ELF1: variants seen among roughly 807,000 people sequenced by gnomAD.
ELF1 encodes E74 like ETS transcription factor 1, also known as ETS-related transcription factor Elf-1.
ELF1 carries 24 observed loss-of-function variants against 59.9 expected under a neutral mutation model. The observed-to-expected ratio is 0.40, with a 90% confidence interval of 0.29 to 0.56. The LOEUF is 0.56. Among genes scored for constraint, ELF1 ranks in the 20% least tolerant of loss-of-function variants. The pLI, the probability that ELF1 is intolerant of heterozygous loss-of-function variation, is 0.44. For missense variants in ELF1, 627 were observed against 742.2 expected, an observed-to-expected ratio of 0.84 and a Z score of 1.80; for synonymous variants, 248 against 266.2, an observed-to-expected ratio of 0.93 and a Z score of 0.67.
At chr13:40,998,668 T>G in intron 1 of ELF1, among the ~76,000 whole-genome samples, 1 of 152,226 alleles carries the variant, frequency 6.6e-6, no homozygotes. Flanking sequence ...ACAGAACAAT[T>G]AAAGATTTAG....
At chr13:41,057,468 C>T (rs1877331578) in intron 1 of ELF1, among the ~76,000 whole-genome samples, 1 of 151,910 alleles carries the variant, frequency 6.6e-6, no homozygotes, top group South Asian at 2.1e-4. Context: ...ATCCTGAGAT[C>T]CTGGCTTACT....
At chr13:41,039,242 A>G (rs1414067570) in intron 1 of ELF1, among the ~76,000 whole-genome samples, 1 of 151,824 alleles carries the variant, frequency 6.6e-6, no homozygotes, top group Non-Finnish European at 1.5e-5. Context: ...TTAAAAAATA[A>G]ATAAGTAAGT....
chr13:40,996,943 T>C (rs1874157629), intron 1 of ELF1, among the ~76,000 whole-genome samples: 1 of 152,036 alleles, frequency 6.6e-6, no homozygotes, highest in East Asian at 1.9e-4. Context: ...AAGAACCCAA[T>C]ATATACTACC....
In ELF1 at chr13:40,971,343, C is replaced by G. The variant is rs143747811; in HGVS notation, c.72+10640G>C. ...CAAGATCACAACTCACTGCAGCCCCCACCTCCCAGGCTCAAGTGATCTTCC... is the reference window on the plus strand; with the variant it reads ...CAAGATCACAACTCACTGCAGCCCCGACCTCCCAGGCTCAAGTGATCTTCC... On this transcript the variant is annotated intron_variant, in intron 2 of 8. Transcript: ENST00000239882. Among the ~76,000 whole-genome samples, 522 of 152,222 alleles carry G rather than the reference C, an allele frequency of 3.4e-3. 5 individuals carry two copies. Among genetic ancestry groups the G allele is most frequent in the African/African-American group, 0.011 (458 of 41,526 alleles).
intron 2 of ELF1, among the ~76,000 whole-genome samples, chr13:40,966,871 C>A (rs761411291): frequency 2.8e-4 from 43 of 152,138 alleles, no homozygotes; most frequent in Non-Finnish European, 5.1e-4. Flanking sequence ...TTTTCCAAAG[C>A]AGACACTACT....
chr13:40,951,307 A>G (rs753850737), intron 4 of ELF1, 22 bp downstream of exon 4: 1 of 1,572,074 alleles, frequency 6.4e-7, no homozygotes, highest in Admixed American at 1.7e-5. Flanking sequence ...GTACATAAAC[A>G]TAAACAATCA....
chr13:40,940,386 G>GAAAAAAAAAAAAAAAAAAAAAAAAA (rs375400990), intron 8 of ELF1, among the ~76,000 whole-genome samples: 1 of 109,896 alleles, frequency 9.1e-6, no homozygotes, highest in Non-Finnish European at 1.7e-5. Context: ...TGATTTAACT[G>GAAAAAAAAAAAAAAAAAAAAAAAAA]AAAAAAAAAA....
At chr13:40,988,193 T>C (rs748334238) in intron 1 of ELF1, among the ~76,000 whole-genome samples, 1 of 152,198 alleles carries the variant, frequency 6.6e-6, no homozygotes, top group Non-Finnish European at 1.5e-5. Context: ...AGTTTGCCCA[T>C]TCTCAATCTA....
intron 3 of ELF1, among the ~76,000 whole-genome samples, chr13:40,952,281 T>TA (rs1434625905): frequency 1.3e-5 from 2 of 151,376 alleles, no homozygotes; most frequent in African/African-American, 2.4e-5. Flanking sequence ...TTGGCAAGAC[T>TA]AAAAAAAAAT....
rs777388967 is a variant in ELF1 at position 41,046,128 on chromosome 13, A to G, written c.-229+14710T>C. On this transcript the variant is annotated intron_variant, in intron 1 of 1. Coordinates refer to the ELF1 transcript ENST00000405737. ...CAACCCCTACCTTTTTTTGTTTTCC[A>G]TTTGCTTAGTAGATCTTCCTCCATC... Among the ~76,000 whole-genome samples, 5 of 151,654 alleles carry G rather than the reference A, an allele frequency of 3.3e-5. No individual in the cohort carries two copies. In the South Asian group the frequency reaches 8.3e-4, roughly 25 times the overall value.
Position 40,986,086 on chromosome 13 carries a change from G to C in ELF1, c.-228-3804C>G, listed in dbSNP as rs1393876702. Among the ~76,000 whole-genome samples, 4 of 152,248 alleles carry C rather than the reference G, an allele frequency of 2.6e-5. No individual in the cohort carries two copies. In the East Asian group the frequency reaches 7.7e-4, roughly 29 times the overall value. ...GGACCATATTCTTATTCTCCAAGGA[G>C]ACATGCCACAGGAATACTTAGCAAC... is the stretch of plus-strand genomic sequence containing the variant. On this transcript the variant is annotated intron_variant, in intron 1 of 8. Transcript: ENST00000239882.
At chr13:41,058,310 C>T (rs558705650) in intron 1 of ELF1, among the ~76,000 whole-genome samples, 6 of 152,324 alleles carry the variant, frequency 3.9e-5, no homozygotes, top group Admixed American at 3.9e-4. Context: ...GACTACTTGC[C>T]AGCCTCATAC....
At chr13:41,044,347 G>A (rs1876750969) in intron 1 of ELF1, among the ~76,000 whole-genome samples, 1 of 152,198 alleles carries the variant, frequency 6.6e-6, no homozygotes, top group African/African-American at 2.4e-5. Context: ...AATAGGAGTG[G>A]TGAGAGAGGG....
intron 1 of ELF1, among the ~76,000 whole-genome samples, chr13:40,983,195 G>T (rs566362787): frequency 6.6e-6 from 1 of 152,080 alleles, no homozygotes; most frequent in African/African-American, 2.4e-5. Context: ...GGCCTGAAAA[G>T]AAAGATACAA....
At chr13:41,038,124 G>T (rs1876460712) in intron 1 of ELF1, among the ~76,000 whole-genome samples, 1 of 148,912 alleles carries the variant, frequency 6.7e-6, no homozygotes, top group African/African-American at 2.5e-5. Context: ...ACCTCAAGCA[G>T]CTAAGTACAG....
At chr13:40,982,362 C>T (rs947283530) in intron 1 of ELF1, 80 bp from the exon 2 acceptor site, 17 of 962,038 alleles carry the variant, frequency 1.8e-5, no homozygotes, top group African/African-American at 6.9e-5. Context: ...AGGGCAGTAT[C>T]GCTAAAGCAT....
intron 2 of ELF1, among the ~76,000 whole-genome samples, chr13:40,977,915 T>A (rs1297159335): frequency 6.6e-6 from 1 of 152,180 alleles, no homozygotes; most frequent in African/African-American, 2.4e-5. Context: ...TAATTTAGTA[T>A]TAACAAAGGT....
intron 1 of ELF1, among the ~76,000 whole-genome samples, chr13:40,986,939 T>C (rs9532694): frequency 1.9e-3 from 16 of 8,400 alleles, no homozygotes; most frequent in East Asian, 3.4e-3. Context: ...TCATTGCTCT[T>C]TTTTTTTTTT....
intron 1 of ELF1, among the ~76,000 whole-genome samples, chr13:41,005,819 TAATC>T (rs1874718040): frequency 6.8e-6 from 1 of 146,318 alleles, no homozygotes; most frequent in African/African-American, 2.5e-5. Context: ...CCCAAACTAA[TAATC>T]AATCCTTAAG....
Sources: gnomAD v4.1 joint callset for allele counts (sites outside exome capture counted in the v4.1 genomes callset) on GRCh38, gnomAD v4.1.1 for gene constraint, MANE v1.5 for transcripts, NCBI Gene and HGNC (gene_info 2026-07-23, HGNC 2026-07-21) for gene names.